Variants in GLI3 observed in about 807,000 individuals in gnomAD.
GLI3 encodes GLI family zinc finger 3, also known as transcription activator GLI3.
A neutral mutation model predicts 100.8 loss-of-function variants in GLI3; 20 were observed. The observed-to-expected ratio is 0.20, with a 90% confidence interval of 0.14 to 0.29. GLI3 has a LOEUF of 0.29. Among genes scored for constraint, GLI3 ranks in the 10% least tolerant of loss-of-function variants. The pLI is 1.00. For synonymous variants in GLI3, 938 were observed against 860.5 expected, an observed-to-expected ratio of 1.09 and a Z score of -1.58; for missense variants, 2,040 against 2,128.5, an observed-to-expected ratio of 0.96 and a Z score of 0.82.
At position 42,236,084 on chromosome 7, in the gene GLI3, A is replaced by G. The variant is rs1045125597; in HGVS notation, c.-43+887T>C. Among the ~76,000 whole-genome samples, 5 of 152,118 alleles carry G rather than the reference A, an allele frequency of 3.3e-5. No homozygotes were observed. In the East Asian group the frequency reaches 7.8e-4, roughly 24 times the overall value. ...AGAAGGAGGTGCAATGGGGGACAGGAGCACAAAGTTCAGGAAAGGATAAAA... is the reference window on the plus strand; with the variant it reads ...AGAAGGAGGTGCAATGGGGGACAGGGGCACAAAGTTCAGGAAAGGATAAAA... On this transcript the variant is annotated intron_variant, in intron 1 of 14. Transcript: ENST00000395925.
In GLI3 at chr7:42,195,051, G is replaced by A. The variant is rs1438248276; in HGVS notation, c.124+28079C>T. On this transcript the variant is annotated intron_variant, in intron 2 of 14. Coordinates refer to ENST00000395925, the MANE Select transcript of GLI3 (RefSeq NM_000168.6). ...CAAAGCGCTGGGATTACAGGCATGA[G>A]CCACTGTGCCTGGCCTCTAATGCGT... Among the ~76,000 whole-genome samples the A allele has an allele frequency of 6.6e-5, 10 of 152,228 alleles. No individual in the cohort carries two copies. The East Asian group carries it at 9.7e-4, about 15-fold the overall frequency.
intron 10 of GLI3, among the ~76,000 whole-genome samples, chr7:42,004,139 T>C (rs182124660): frequency 6.6e-6 from 1 of 152,264 alleles, no homozygotes; most frequent in Non-Finnish European, 1.5e-5. Flanking sequence ...CCAAACATTA[T>C]CTATGTTAAC....
At chr7:42,071,926 G>T (rs901355704) in intron 4 of GLI3, among the ~76,000 whole-genome samples, 1 of 152,158 alleles carries the variant, frequency 6.6e-6, no homozygotes, top group Non-Finnish European at 1.5e-5. Context: ...TACTTAGGTG[G>T]AATGATTCCA....
intron 2 of GLI3, among the ~76,000 whole-genome samples, chr7:42,214,862 T>TAA (rs34437341): frequency 0.019 from 2,258 of 118,958 alleles, 63 homozygotes; most frequent in African/African-American, 0.069. Flanking sequence ...CACTGGATGC[T>TAA]AAAAAAAAAA....
At chr7:42,047,728 C>G (rs1411548250) in intron 5 of GLI3, among the ~76,000 whole-genome samples, 1 of 152,180 alleles carries the variant, frequency 6.6e-6, no homozygotes, top group Non-Finnish European at 1.5e-5. Flanking sequence ...TCCTTAAGAG[C>G]CTAAAATGAG....
At chr7:42,035,308 C>G (rs1789407889) in intron 7 of GLI3, among the ~76,000 whole-genome samples, 2 of 152,238 alleles carry the variant, frequency 1.3e-5, no homozygotes, top group Non-Finnish European at 2.9e-5. Context: ...TTCCACCCTG[C>G]CTCAGGCAGC....
At chr7:42,050,370 A>G (rs1784330253) in intron 4 of GLI3, among the ~76,000 whole-genome samples, 2 of 152,226 alleles carry the variant, frequency 1.3e-5, no homozygotes, top group African/African-American at 4.8e-5. Context: ...TTTAAATAGA[A>G]ATCAACATAA....
chr7:42,257,154 T>G (rs1789093094), intron 1 of GLI3, among the ~76,000 whole-genome samples: 1 of 152,168 alleles, frequency 6.6e-6, no homozygotes, highest in Non-Finnish European at 1.5e-5. Flanking sequence ...AGTTAATTAG[T>G]TCTAGTGGTT....
intron 3 of GLI3, among the ~76,000 whole-genome samples, chr7:42,124,287 C>T (rs1193298766): frequency 6.6e-6 from 1 of 152,170 alleles, no homozygotes; most frequent in East Asian, 1.9e-4. Flanking sequence ...AAACTGACTA[C>T]AGGAGCTTAG....
chr7:42,121,378 T>G (rs750899298), intron 3 of GLI3, among the ~76,000 whole-genome samples: 1 of 152,228 alleles, frequency 6.6e-6, no homozygotes, highest in Non-Finnish European at 1.5e-5. Context: ...GGACCACATG[T>G]TGATAAATGC....
chr7:42,066,512 C>A (rs6965985), intron 4 of GLI3, among the ~76,000 whole-genome samples: 1 of 152,106 alleles, frequency 6.6e-6, no homozygotes, highest in East Asian at 1.9e-4. Context: ...ATCTCTGGAT[C>A]GCACTTCAGA....
rs1290134938 is a variant in GLI3 at position 42,048,200 on chromosome 7, A to G, written c.679+291T>C. ...AGTTACCAGCAGGGATTTGGGAATCAGAAACATTTTCAATGAATTCCACCT... is the reference window on the plus strand; with the variant it reads ...AGTTACCAGCAGGGATTTGGGAATCGGAAACATTTTCAATGAATTCCACCT... On this transcript the variant is annotated intron_variant, in intron 5 of 14. Coordinates refer to ENST00000395925, the MANE Select transcript of GLI3 (RefSeq NM_000168.6). Among the ~76,000 whole-genome samples, 12 of 152,334 alleles carry G rather than the reference A, an allele frequency of 7.9e-5. No individual in the cohort carries two copies. The East Asian group carries it at 2.3e-3, about 29-fold the overall frequency.
chr7:41,978,574 G>A (rs912747257), intron 11 of GLI3, 25 bp downstream of exon 11: 35 of 1,612,524 alleles, frequency 2.2e-5, no homozygotes, highest in Non-Finnish European at 3.0e-5. Context: ...ACCCAAGTGT[G>A]CCTGCCACCC....
intron 3 of GLI3, among the ~76,000 whole-genome samples, chr7:42,110,835 A>C (rs1028743867): frequency 3.3e-5 from 5 of 152,206 alleles, no homozygotes; most frequent in Admixed American, 6.5e-5. Context: ...ACATCAACTT[A>C]TTCAGTGATT....
intron 2 of GLI3, among the ~76,000 whole-genome samples, chr7:42,190,128 T>C (rs1465134918): frequency 8.4e-6 from 1 of 119,310 alleles, no homozygotes; most frequent in Non-Finnish European, 1.8e-5. Flanking sequence ...GGCATGAATA[T>C]CATCTTACTG....
At chr7:42,113,565 ATGGAG>A in intron 3 of GLI3, 1 of 1,117,894 alleles carries the variant, frequency 8.9e-7, no homozygotes, top group Non-Finnish European at 1.3e-6. Flanking sequence ...CCTACAGAAA[ATGGAG>A]TTGCCAAAAA....
chr7:42,096,332 C>T (rs1478110349), intron 3 of GLI3, among the ~76,000 whole-genome samples: 2 of 152,300 alleles, frequency 1.3e-5, no homozygotes, highest in African/African-American at 2.4e-5. Flanking sequence ...AGCTCAAACT[C>T]GCTTCCCCAG....
chr7:41,991,607 C>G (rs73099021), intron 10 of GLI3, among the ~76,000 whole-genome samples: 2,278 of 152,314 alleles, frequency 0.015, 23 homozygotes, highest in Non-Finnish European at 0.023. Flanking sequence ...TAAGCCCAGA[C>G]AGTAGGCTAT....
In GLI3 at chr7:41,983,307, G is replaced by T. The variant is rs12667146; in HGVS notation, c.1498-4559C>A. Among the ~76,000 whole-genome samples the T allele has an allele frequency of 6.7e-4, 102 of 152,178 alleles. 1 individual carries two copies. The South Asian group carries it at 0.019, about 29-fold the overall frequency. On this transcript the variant is annotated intron_variant, in intron 10 of 14. Coordinates refer to ENST00000395925, the MANE Select transcript of GLI3 (RefSeq NM_000168.6). ...GAAGGACTGAAAATCAGGATCCTGC[G>T]CTATAAAAGGTACCCCAACGAAGGG...
Sources: gnomAD v4.1 joint callset for allele counts (sites outside exome capture counted in the v4.1 genomes callset) on GRCh38, gnomAD v4.1.1 for gene constraint, MANE v1.5 for transcripts, NCBI Gene and HGNC (gene_info 2026-07-23, HGNC 2026-07-21) for gene names.